Variants in PCID2 observed in about 807,000 individuals in gnomAD.
PCID2 encodes the protein PCI domain containing 2.
In PCID2, 41 loss-of-function variants were observed where a neutral mutation model predicts 61.3. The ratio of observed to expected loss-of-function variants is 0.67; its 90% confidence interval spans 0.52 to 0.87. The LOEUF (loss-of-function observed/expected upper bound fraction) is 0.87, where lower values mean the gene tolerates loss of function less well. Ranked by LOEUF, PCID2 falls within the 40% of genes least tolerant of loss-of-function variation. The pLI, the probability that PCID2 is intolerant of heterozygous loss-of-function variation, is 0.00. For synonymous variants in PCID2, 187 were observed against 177.8 expected (o/e 1.05, Z -0.41); for missense variants, 392 against 493.4 (o/e 0.79, Z 1.95).
At chr13:113,191,831 A>T (rs757892667) in intron 6 of PCID2, among the ~76,000 whole-genome samples, 1 of 152,224 alleles carries the variant, frequency 6.6e-6, no homozygotes, top group Admixed American at 6.5e-5. Flanking sequence ...GTGCAAAAAC[A>T]GCAATAGGTA....
At chr13:113,171,330 T>G in the PCID2 span, among the ~76,000 whole-genome samples, 1 of 152,300 alleles carries the variant, frequency 6.6e-6, no homozygotes, top group Non-Finnish European at 1.5e-5. This position sits in a 1 kb window ranked among gnomAD's most constrained non-coding sequence, Gnocchi z 5.1. Flanking sequence ...TTTTAATCAT[T>G]TCACCACACC....
At chr13:113,183,762 A>G in intron 9 of PCID2, 1 of 984,790 alleles carries the variant, frequency 1.0e-6, no homozygotes, top group Non-Finnish European at 1.2e-6. Flanking sequence ...AAAGAAGACT[A>G]GTTTCCTGTT....
At chr13:113,182,682 A>G (rs1187693896) in intron 9 of PCID2, among the ~76,000 whole-genome samples, 1 of 152,048 alleles carries the variant, frequency 6.6e-6, no homozygotes, top group East Asian at 1.9e-4. Context: ...TTGTATTTTT[A>G]GTAGAGACGG....
At chr13:113,207,356 T>C (rs1401180960) in intron 1 of PCID2, among the ~76,000 whole-genome samples, 1 of 152,228 alleles carries the variant, frequency 6.6e-6, no homozygotes, top group African/African-American at 2.4e-5. Context: ...GGAAAAATTG[T>C]AAAAGATTAA....
At chr13:113,180,636 T>C (rs960248364) in intron 10 of PCID2, among the ~76,000 whole-genome samples, 1 of 152,212 alleles carries the variant, frequency 6.6e-6, no homozygotes, top group South Asian at 2.1e-4. Flanking sequence ...CAGCAGCGCT[T>C]CTCCATCACA....
At chr13:113,174,892 G>A (rs185460829), downstream of PCID2, among the ~76,000 whole-genome samples, 203 of 152,334 alleles carry the variant, frequency 1.3e-3, 1 homozygote, top group Non-Finnish European at 1.0e-3. Flanking sequence ...GTGTACGCCC[G>A]TGGACTTGAA....
the PCID2 span, among the ~76,000 whole-genome samples, chr13:113,168,702 G>A: frequency 6.6e-5 from 10 of 152,180 alleles, no homozygotes; most frequent in Admixed American, 2.6e-4. Context: ...GGCTAATATC[G>A]CTTGTCAAAT....
chr13:113,177,617 G>A lies in PCID2; in HGVS notation c.*581C>T, dbSNP rs2037232015. ...TTTTTTTTTAACCAACAAAGCAAAG[G>A]CAAATAAAATAAGTTTATTGGGATG... On this transcript the variant is annotated 3_prime_UTR_variant, in exon 14 of 14. Coordinates refer to ENST00000337344, the MANE Select transcript of PCID2 (RefSeq NM_001127202.4). 6.6e-6 allele frequency: 1 copy of A among 152,066 alleles called. No individual in the cohort carries two copies. The highest frequency in any genetic ancestry group is 1.5e-5 in the Non-Finnish European group (1 of 68,028). 9.4% of individuals were successfully genotyped at this position (152,066 alleles called of 1,614,324 possible).
chr13:113,196,032 A>G, intron 5 of PCID2, 149 bp downstream of exon 5: 1 of 565,358 alleles, frequency 1.8e-6, no homozygotes, highest in Non-Finnish European at 3.3e-6. Context: ...GACTCCACTC[A>G]TCTGTGTAGA....
At position 113,200,463 on chromosome 13, in the gene PCID2, A is replaced by G. The variant is rs1413391920; in HGVS notation, c.90T>C (p.Ser30=). ...RDGASCAELV[S]FKHPHVANPR... is the part of the protein sequence containing the mutation. ...GGTTTGCAACATGAGGATGTTTAAA[A>G]GACACCAACTCTGCACAAGATGCTC... The change falls in exon 2 of 14, where the codon TCT becomes TCC. Residue 30 remains serine, a synonymous_variant. Transcript: ENST00000337344. 9 of 1,613,642 alleles carry G rather than the reference A, an allele frequency of 5.6e-6. No individual in the cohort carries two copies. In the East Asian group the frequency reaches 2.0e-4, roughly 36 times the overall value.
At chr13:113,208,331 G>A in intron 1 of PCID2, 1 of 1,432,874 alleles carries the variant, frequency 7.0e-7, no homozygotes, top group Non-Finnish European at 9.1e-7. Context: ...CAGCGACCTG[G>A]GACCGCCGCG....
Position 113,193,694 on chromosome 13 carries a change from GC to G in PCID2, c.363+1376del, listed in dbSNP as rs1197962497. Among the ~76,000 whole-genome samples, 4 of 151,984 alleles carry G rather than the reference GC, an allele frequency of 2.6e-5. No homozygotes were observed. The East Asian group carries it at 7.7e-4, about 29-fold the overall frequency. ...ATAAATAGATATAACAAAAATAAAA[GC>G]TTTCTGAGGTCTTCAGTATACTTTT... On this transcript the variant is annotated intron_variant, in intron 6 of 13. Transcript: ENST00000337344.
In PCID2 at chr13:113,178,180, T is replaced by A; in HGVS notation, c.*18A>T. 1 of 1,597,614 alleles carries A rather than the reference T, an allele frequency of 6.3e-7. No individual in the cohort carries two copies. The highest frequency in any genetic ancestry group is 8.6e-7 in the Non-Finnish European group (1 of 1,165,354). Reference sequence around the variant, plus strand: ...GAAAGAAACAACTGCTCACCCGTCCTCGGGGCTCCGTGTACTTTCAACACA... The same window carrying A: ...GAAAGAAACAACTGCTCACCCGTCCACGGGGCTCCGTGTACTTTCAACACA... On this transcript the variant is annotated 3_prime_UTR_variant, in exon 14 of 14. Coordinates refer to ENST00000337344, the MANE Select transcript of PCID2 (RefSeq NM_001127202.4).
chr13:113,171,537 C>G, the PCID2 span: 1 of 1,609,816 alleles, frequency 6.2e-7, no homozygotes, highest in South Asian at 1.1e-5. The surrounding 1 kb of genome is among the most constrained non-coding windows in gnomAD (Gnocchi z 5.1). Flanking sequence ...CTCGTTTGAG[C>G]ATTATGTCCC....
intron 5 of PCID2, 23 bp downstream of exon 5, chr13:113,196,158 C>A: frequency 6.3e-7 from 1 of 1,585,144 alleles, no homozygotes; most frequent in South Asian, 1.1e-5. Context: ...TTTGCTAATT[C>A]AGCTGTTTCT....
rs760560278 is a variant in PCID2 at position 113,196,972 on chromosome 13, T to G, written c.266+206A>C. On this transcript the variant is annotated intron_variant, in intron 4 of 13. Coordinates refer to ENST00000337344, the MANE Select transcript of PCID2 (RefSeq NM_001127202.4). ...CCTTCTTCCTAACCAGTGTTCTTCC[T>G]TACTAAGTACTGCACGAGTCTTCAG... is the stretch of plus-strand genomic sequence containing the variant. 20 of 1,336,782 alleles carry G rather than the reference T, an allele frequency of 1.5e-5. 1 individual carries two copies. The highest frequency in any genetic ancestry group is 2.1e-5 in the Non-Finnish European group (19 of 926,636). 82.8% of individuals were successfully genotyped at this position (1,336,782 alleles called of 1,614,324 possible).
chr13:113,182,561 G>C (rs903585114), intron 9 of PCID2, among the ~76,000 whole-genome samples: 1 of 152,120 alleles, frequency 6.6e-6, no homozygotes, highest in Non-Finnish European at 1.5e-5. Context: ...GTGCAGTGGC[G>C]CGATCTCAGC....
chr13:113,167,949 G>A, the PCID2 span, among the ~76,000 whole-genome samples: 2 of 151,876 alleles, frequency 1.3e-5, no homozygotes, highest in African/African-American at 2.4e-5. Context: ...CTTTGTTGGC[G>A]GTTGCTTCAC....
At chr13:113,204,249 T>C (rs1487431542) in intron 1 of PCID2, among the ~76,000 whole-genome samples, 3 of 152,250 alleles carry the variant, frequency 2.0e-5, no homozygotes, top group African/African-American at 7.2e-5. Context: ...CAGGTCACAC[T>C]TGAGCATGAT....
Sources: allele counts gnomAD v4.1 joint callset (sites outside exome capture counted in the v4.1 genomes callset), GRCh38; gene constraint gnomAD v4.1.1; non-coding constraint Gnocchi (gnomAD v3.1); transcripts MANE v1.5; gene names NCBI Gene and HGNC (gene_info 2026-07-23, HGNC 2026-07-21).